The following FAM3C variants were observed in gnomAD, a reference collection of about 807,000 sequenced individuals.
FAM3C encodes the protein FAM3 metabolism regulating signaling molecule C.
Under a neutral mutation model 32.5 loss-of-function variants are expected in FAM3C, and 15 were observed. That is an observed-to-expected ratio of 0.46 (90% confidence interval 0.31 to 0.71). The LOEUF (loss-of-function observed/expected upper bound fraction) is 0.71. Among genes scored for constraint, FAM3C ranks in the 30% least tolerant of loss-of-function variants. The pLI, the probability that FAM3C is intolerant of heterozygous loss-of-function variation, is 0.05. For synonymous variants in FAM3C, 75 were observed against 86.1 expected, an observed-to-expected ratio of 0.87 and a Z score of 0.72; for missense variants, 175 against 274.4, an observed-to-expected ratio of 0.64 and a Z score of 2.56.
rs146438816 is a variant in FAM3C, at chr7:121,362,946, T to C, written c.333A>G (p.Gly111=). 7 of 1,460,126 alleles carry C rather than the reference T, an allele frequency of 4.8e-6. No individual in the cohort carries two copies. In the African/African-American group the frequency reaches 8.4e-5, roughly 18 times the overall value. The allele number at this position is 1,460,126 out of a possible 1,614,324, so 90.4% of individuals were successfully genotyped here. A position where few individuals can be genotyped will look rare whatever the true frequency, so the allele number is the denominator to read the frequency against. ...TAGTGTCTAATACTTCTCCTGTTTT[T>C]CCTAAAAGAGATTAAATTCATATCA... ...GRGINVALAN[G]KTGEVLDTKY... is the part of the protein sequence containing the mutation. The change falls in exon 7 of 10, where the codon GGA becomes GGG. Residue 111 remains glycine (G), a splice_region_variant and synonymous_variant. Transcript: ENST00000359943.
intron 2 of FAM3C, 140 bp downstream of exon 2, chr7:121,382,817 A>G: frequency 1.6e-6 from 1 of 641,020 alleles, no homozygotes; most frequent in Non-Finnish European, 2.5e-6. Flanking sequence ...CCAACTACCT[A>G]AAAACAAAGG....
intron 8 of FAM3C, chr7:121,351,530 T>C (rs1001274557): frequency 5.4e-5 from 19 of 352,872 alleles, no homozygotes; most frequent in Middle Eastern, 8.0e-4. Context: ...TTCACCTTCA[T>C]TTAACTTTTT....
chr7:121,384,958 A>T (rs1584707506), intron 1 of FAM3C, among the ~76,000 whole-genome samples: 1 of 152,314 alleles, frequency 6.6e-6, no homozygotes, highest in Non-Finnish European at 1.5e-5. Context: ...TAGAGGGGGC[A>T]TGTAAAAGCA....
At chr7:121,371,198 A>G (rs1363915099) in intron 5 of FAM3C, 102 bp downstream of exon 5, 1 of 1,351,132 alleles carries the variant, frequency 7.4e-7, no homozygotes, top group Non-Finnish European at 1.0e-6. Flanking sequence ...CTTTCCATTA[A>G]TAAAGTATAC....
intron 8 of FAM3C, among the ~76,000 whole-genome samples, chr7:121,352,706 T>C (rs1180221962): frequency 6.6e-6 from 1 of 152,240 alleles, no homozygotes; most frequent in East Asian, 1.9e-4. Flanking sequence ...ACATGAATTA[T>C]CCATCACTTT....
intron 1 of FAM3C, among the ~76,000 whole-genome samples, chr7:121,385,958 T>C (rs186574709): frequency 2.1e-4 from 32 of 152,252 alleles, no homozygotes; most frequent in African/African-American, 7.5e-4. Context: ...AGTAAGAAGC[T>C]CACGCTACAA....
At chr7:121,392,969 T>C (rs1794606958) in intron 1 of FAM3C, among the ~76,000 whole-genome samples, 1 of 152,280 alleles carries the variant, frequency 6.6e-6, no homozygotes. Flanking sequence ...CATATTGAAT[T>C]ATTCAATTTT....
chr7:121,356,813 T>C (rs1471610763), intron 8 of FAM3C, among the ~76,000 whole-genome samples: 3 of 152,170 alleles, frequency 2.0e-5, no homozygotes, highest in African/African-American at 4.8e-5. Context: ...CATTATCTCC[T>C]TTATAACCAA....
At chr7:121,362,204 C>G (rs1793939199) in intron 7 of FAM3C, among the ~76,000 whole-genome samples, 1 of 152,182 alleles carries the variant, frequency 6.6e-6, no homozygotes. Context: ...ACCCATTCTT[C>G]CGGGCAGCGT....
At chr7:121,376,315 A>T (rs1469943186) in intron 3 of FAM3C, among the ~76,000 whole-genome samples, 2 of 152,244 alleles carry the variant, frequency 1.3e-5, no homozygotes, top group African/African-American at 4.8e-5. Context: ...ACTGGAAAAG[A>T]TGAAAACTTG....
In FAM3C at chr7:121,350,243, G is replaced by A; in HGVS notation, c.*218C>T. 3.8e-6 allele frequency: 2 copies of A among 519,926 alleles called. No homozygotes were observed. Among genetic ancestry groups the A allele is most frequent in the Non-Finnish European group, 3.4e-6 (1 of 290,886 alleles). 32.2% of individuals were successfully genotyped at this position (519,926 alleles called of 1,614,324 possible). Reference sequence around the variant, plus strand: ...CTAAACATTGTACTTTTAGGGAAATGTGCGGAGACATGGTTCAGTGATTTG... The same window carrying A: ...CTAAACATTGTACTTTTAGGGAAATATGCGGAGACATGGTTCAGTGATTTG... On this transcript the variant is annotated 3_prime_UTR_variant, in exon 10 of 10. Transcript: ENST00000359943.
chr7:121,380,271 AAC>A (rs1384264241), intron 2 of FAM3C: 2 of 152,192 alleles, frequency 1.3e-5, no homozygotes, highest in Non-Finnish European at 2.9e-5. Context: ...TGTCCTGTAA[AAC>A]AGTCATATGA....
At chr7:121,365,206 T>G (rs542683880) in intron 5 of FAM3C, among the ~76,000 whole-genome samples, 35 of 152,242 alleles carry the variant, frequency 2.3e-4, no homozygotes, top group Non-Finnish European at 3.7e-4. Context: ...ACAATTCACA[T>G]CTGCAGCTGA....
chr7:121,364,772 T>A (rs1353144768), intron 5 of FAM3C, among the ~76,000 whole-genome samples: 2 of 152,086 alleles, frequency 1.3e-5, no homozygotes, highest in Non-Finnish European at 2.9e-5. Flanking sequence ...CCTGAAATAA[T>A]CGACTTCCAT....
intron 6 of FAM3C, among the ~76,000 whole-genome samples, chr7:121,363,553 T>C (rs1793967689): frequency 6.6e-6 from 1 of 152,112 alleles, no homozygotes; most frequent in South Asian, 2.1e-4. Context: ...ATCCTATATA[T>C]CTTATAACCA....
intron 3 of FAM3C, among the ~76,000 whole-genome samples, chr7:121,376,184 G>A (rs889820650): frequency 1.3e-5 from 2 of 152,200 alleles, no homozygotes; most frequent in Non-Finnish European, 2.9e-5. Flanking sequence ...ATACTTTGCA[G>A]TAACTACTTT....
chr7:121,361,283 A>C, intron 7 of FAM3C, among the ~76,000 whole-genome samples: 1 of 152,356 alleles, frequency 6.6e-6, no homozygotes, highest in African/African-American at 2.4e-5. Context: ...AAATGTACTC[A>C]GTTTCTTTCC....
At chr7:121,377,070 G>A (rs1278090864) in intron 3 of FAM3C, among the ~76,000 whole-genome samples, 1 of 152,010 alleles carries the variant, frequency 6.6e-6, no homozygotes, top group Non-Finnish European at 1.5e-5. Flanking sequence ...GGGACCTAGT[G>A]GGAAGTAATT....
chr7:121,389,769 A>G (rs1298634347), intron 1 of FAM3C, among the ~76,000 whole-genome samples: 2 of 152,146 alleles, frequency 1.3e-5, no homozygotes, highest in Non-Finnish European at 1.5e-5. Flanking sequence ...TGGCAAAAAA[A>G]AAAAAAGGTA....
Sources: gnomAD v4.1 joint callset for allele counts (sites outside exome capture counted in the v4.1 genomes callset) on GRCh38, gnomAD v4.1.1 for gene constraint, MANE v1.5 for transcripts, NCBI Gene and HGNC (gene_info 2026-07-23, HGNC 2026-07-21) for gene names.